TPH2: variants seen among roughly 807,000 people sequenced by gnomAD.
TPH2 encodes tryptophan 5-hydroxylase 2.
TPH2 carries 27 observed loss-of-function variants against 59.1 expected under a neutral mutation model. That is an observed-to-expected ratio of 0.46 (90% CI 0.34 to 0.63). The LOEUF is 0.63. Ranked by LOEUF, TPH2 falls within the 30% of genes least tolerant of loss-of-function variation. The pLI is 0.01. For synonymous variants in TPH2, 220 were observed against 210.5 expected, an observed-to-expected ratio of 1.05 and a Z score of -0.39; for missense variants, 523 against 588.3, an observed-to-expected ratio of 0.89 and a Z score of 1.15.
chr12:71,953,225 A>G (rs12311278), intron 5 of TPH2, among the ~76,000 whole-genome samples: 2,489 of 151,502 alleles, frequency 0.016, 74 homozygotes, highest in African/African-American at 0.058. Context: ...TTGTGAGTGG[A>G]TGAACTGAGG....
At chr12:72,017,711 C>G (rs560540924) in intron 8 of TPH2, among the ~76,000 whole-genome samples, 17 of 152,164 alleles carry the variant, frequency 1.1e-4, no homozygotes, top group African/African-American at 4.1e-4. Flanking sequence ...TTTGGTAAAT[C>G]TCTAGGGAAT....
At chr12:71,961,020 A>G (rs775106518) in intron 5 of TPH2, among the ~76,000 whole-genome samples, 38 of 152,208 alleles carry the variant, frequency 2.5e-4, no homozygotes, top group Non-Finnish European at 7.3e-5. Flanking sequence ...ATGACCTCTC[A>G]TTTGATCCTC....
intron 8 of TPH2, among the ~76,000 whole-genome samples, chr12:71,994,824 T>A (rs1475461204): frequency 6.6e-6 from 1 of 152,146 alleles, no homozygotes; most frequent in Non-Finnish European, 1.5e-5. Flanking sequence ...GGTTTGTGGG[T>A]CGTAAGGACT....
chr12:72,012,026 G>C (rs1873110377), intron 8 of TPH2, among the ~76,000 whole-genome samples: 1 of 152,230 alleles, frequency 6.6e-6, no homozygotes, highest in African/African-American at 2.4e-5. Flanking sequence ...GACTCACTCA[G>C]AAGGCTGACA....
chr12:71,973,022 T>A (rs111981477), intron 6 of TPH2, among the ~76,000 whole-genome samples: 42 of 152,332 alleles, frequency 2.8e-4, no homozygotes, highest in African/African-American at 9.9e-4. Flanking sequence ...CTGGGCTACA[T>A]GAGTATGAAA....
chr12:72,011,455 T>C (rs1021313429), intron 8 of TPH2, among the ~76,000 whole-genome samples: 12 of 152,210 alleles, frequency 7.9e-5, no homozygotes. Flanking sequence ...GATCTTGTGT[T>C]TCATCATCTG....
intron 7 of TPH2, among the ~76,000 whole-genome samples, chr12:71,993,388 T>G (rs1343697219): frequency 6.6e-6 from 1 of 152,248 alleles, no homozygotes; most frequent in Non-Finnish European, 1.5e-5. Flanking sequence ...AATTGGTGTT[T>G]TTTTCAGTCA....
At chr12:72,029,944 G>A (rs1873676770) in intron 9 of TPH2, among the ~76,000 whole-genome samples, 1 of 152,126 alleles carries the variant, frequency 6.6e-6, no homozygotes, top group Admixed American at 6.6e-5. Context: ...AATTTCTCCA[G>A]GAAACCTTAG....
intron 6 of TPH2, among the ~76,000 whole-genome samples, chr12:71,974,792 G>A (rs1348334381): frequency 2.0e-5 from 3 of 152,018 alleles, no homozygotes; most frequent in African/African-American, 7.3e-5. Context: ...CCAAATTGAT[G>A]TCCTCATCAT....
At chr12:72,015,624 T>A (rs771103048) in intron 8 of TPH2, among the ~76,000 whole-genome samples, 2 of 152,156 alleles carry the variant, frequency 1.3e-5, no homozygotes, top group African/African-American at 4.8e-5. Context: ...CGGCTTTATG[T>A]GTTTTTATCT....
At chr12:72,028,479 G>A (rs764979672) in intron 9 of TPH2, among the ~76,000 whole-genome samples, 37 of 152,144 alleles carry the variant, frequency 2.4e-4, no homozygotes, top group Non-Finnish European at 4.0e-4. Flanking sequence ...TACCCCTTGG[G>A]ACACACTGTA....
intron 5 of TPH2, among the ~76,000 whole-genome samples, chr12:71,972,032 C>G (rs554602172): frequency 6.6e-6 from 1 of 152,286 alleles, no homozygotes; most frequent in Non-Finnish European, 1.5e-5. Context: ...TTCAGTATCT[C>G]CCAGACATTT....
At chr12:72,010,985 A>G (rs1873085836) in intron 8 of TPH2, among the ~76,000 whole-genome samples, 3 of 152,238 alleles carry the variant, frequency 2.0e-5, no homozygotes, top group Admixed American at 1.3e-4. Context: ...CATTTGCATA[A>G]GCAGGTCTTC....
intron 7 of TPH2, among the ~76,000 whole-genome samples, chr12:71,981,200 T>C (rs1380397974): frequency 2.0e-5 from 3 of 152,152 alleles, no homozygotes; most frequent in Non-Finnish European, 2.9e-5. Context: ...TGCAAAGTTG[T>C]GGAGACACGC....
chr12:72,001,372 G>A (rs191522986), intron 8 of TPH2, among the ~76,000 whole-genome samples: 307 of 152,146 alleles, frequency 2.0e-3, no homozygotes, highest in Non-Finnish European at 3.8e-3. Flanking sequence ...GTAAAAGGAG[G>A]GACCCATGGG....
chr12:72,004,677 T>C (rs202082701), intron 8 of TPH2, among the ~76,000 whole-genome samples: 1 of 152,188 alleles, frequency 6.6e-6, no homozygotes, highest in East Asian at 1.9e-4. Flanking sequence ...ATCTTAGACT[T>C]GTATTAACAG....
intron 7 of TPH2, among the ~76,000 whole-genome samples, chr12:71,979,920 C>G (rs1168591269): frequency 4.0e-5 from 6 of 151,872 alleles, no homozygotes; most frequent in African/African-American, 1.5e-4. Context: ...CATTCCTGCC[C>G]TTCCAGGTGA....
intron 8 of TPH2, among the ~76,000 whole-genome samples, chr12:72,012,991 T>C (rs908172512): frequency 4.6e-5 from 7 of 152,122 alleles, no homozygotes; most frequent in Non-Finnish European, 1.0e-4. Context: ...CCAAAAGATA[T>C]AGGAAACAAT....
Position 72,014,387 on chromosome 12 carries a change from CTTTTTTTCTT to C in TPH2, c.1069-8004_1069-7995del, listed in dbSNP as rs1398253980. 2.8e-5 allele frequency among the ~76,000 whole-genome samples: 3 copies of C among 106,606 alleles called. No homozygotes were observed. In the East Asian group the frequency reaches 7.7e-4, roughly 27 times the overall value. 69.9% of individuals were successfully genotyped at this position (106,606 alleles called of 152,430 possible). A position where few individuals can be genotyped will look rare whatever the true frequency, so the allele number is the denominator to read the frequency against. ...AGCCTAGTCCCAGAATTTTTTTTTT[CTTTTTTTCTT>C]TTTTTTTTTTTGAGAAGGAGTCCCA... On this transcript the variant is annotated intron_variant, in intron 8 of 10. Coordinates refer to ENST00000333850, the MANE Select transcript of TPH2 (RefSeq NM_173353.4).
Sources: allele counts gnomAD v4.1 joint callset (sites outside exome capture counted in the v4.1 genomes callset), GRCh38; gene constraint gnomAD v4.1.1; transcripts MANE v1.5; gene names NCBI Gene and HGNC (gene_info 2026-07-23, HGNC 2026-07-21).